The following METTL3 variants were observed in gnomAD, a reference collection of about 807,000 sequenced individuals.
METTL3 encodes the protein N(6)-adenosine-methyltransferase catalytic subunit METTL3.
A neutral mutation model predicts 64.3 loss-of-function variants in METTL3; 42 were observed. The observed-to-expected ratio is 0.65, with a 90% CI of 0.51 to 0.84. The LOEUF is 0.84. Among genes scored for constraint, METTL3 ranks in the 40% least tolerant of loss-of-function variants. METTL3 has a pLI of 0.00. For synonymous variants in METTL3, 256 were observed against 263.6 expected (o/e 0.97, Z 0.28); for missense variants, 435 against 722.3 (o/e 0.60, Z 4.56).
At chr14:21,498,936 GTGTAAAACAA>G (rs1891483059) in intron 10 of METTL3, 79 bp downstream of exon 10, 1 of 868,206 alleles carries the variant, frequency 1.2e-6, no homozygotes, top group Non-Finnish European at 1.9e-6. Context: ...TTATGGACTA[GTGTAAAACAA>G]TGTGAAGCTC....
At position 21,499,154 on chromosome 14, in the gene METTL3, A is replaced by G; in HGVS notation, c.1519-17T>C. 1 of 1,603,722 alleles carries G rather than the reference A, an allele frequency of 6.2e-7. No individual in the cohort carries two copies. Among genetic ancestry groups the G allele is most frequent in the South Asian group, 1.1e-5 (1 of 90,874 alleles). The stretch of plus-strand genomic sequence containing the variant: ...GGAACGAACCTAGGAAATAAAAACT[A>G]GCTGCTTTTTAAGTTACACAAGATT... On this transcript the variant is annotated splice_polypyrimidine_tract_variant and intron_variant, in intron 9 of 10. Transcript: ENST00000298717.
At chr14:21,498,567 G>A (rs1891469713) in intron 10 of METTL3, 198 bp from the exon 11 acceptor site, 2 of 600,772 alleles carry the variant, frequency 3.3e-6, no homozygotes, top group African/African-American at 3.7e-5. Flanking sequence ...AAAATAGACT[G>A]GATCTGTATT....
At chr14:21,498,658 TGCTA>T in intron 10 of METTL3, 1 of 499,120 alleles carries the variant, frequency 2.0e-6, no homozygotes, top group East Asian at 3.5e-5. Context: ...ATAAGCAAAA[TGCTA>T]GCAGCATGTG....
chr14:21,500,623 C>T lies in METTL3; in HGVS notation c.1176G>A (p.Val392=). The T allele has an allele frequency of 6.2e-7, 1 of 1,614,154 alleles. No individual in the cohort carries two copies. The highest frequency in any genetic ancestry group is 1.3e-5 in the African/African-American group (1 of 75,032). The change falls in exon 6 of 11, where the codon GTG becomes GTA. Residue 392 remains valine, a synonymous_variant. Coordinates refer to ENST00000298717, the MANE Select transcript of METTL3 (RefSeq NM_019852.5). ...DVSILGKFAV[V]MADPPWDIHM... ...GAATATCCCAGGGTGGGTCAGCCAT[C>T]ACAACTGCAAACTTGCCCAAGATAC...
intron 1 of METTL3, chr14:21,509,484 C>T (rs1188186865): frequency 2.0e-5 from 3 of 152,222 alleles, no homozygotes; most frequent in Non-Finnish European, 4.4e-5. Context: ...TGGCTCTCAC[C>T]TGTAATTCAA....
rs1210195522 is a variant in METTL3, at chr14:21,511,164, C to G, written c.60G>C (p.Glu20Asp). The change falls in exon 1 of 11, where the codon GAG (glutamate) becomes GAC (aspartate). Residue 20 changes from glutamate to aspartate, a missense_variant. Around this residue, in one of 9 missense-constraint regions of METTL3, gnomAD observed 228 missense variants for 279.6 expected, o/e 0.82. Transcript: ENST00000298717. ...AHKKQLDSLR[E>D]RLQRRRKQDS... is the part of the protein sequence containing the mutation. ...CCTGCTTCCGCCTCCGCTGCAGCCT[C>G]TCCCGCAGAGAGTCCAGCTGCTTCT... 1 of 1,614,176 alleles carries G rather than the reference C, an allele frequency of 6.2e-7. No homozygotes were observed. The highest frequency in any genetic ancestry group is 1.7e-5 in the Admixed American group (1 of 60,020).
Position 21,501,054 on chromosome 14 carries a change from G to C in METTL3, c.975C>G (p.Thr325=), listed in dbSNP as rs773182597. The C allele has an allele frequency of 6.2e-7, 1 of 1,614,054 alleles. No individual in the cohort carries two copies. The highest frequency in any genetic ancestry group is 1.7e-5 in the Admixed American group (1 of 60,016). The change falls in exon 5 of 11, where the codon ACC becomes ACG. Residue 325 remains threonine, a synonymous_variant. Transcript: ENST00000298717. The stretch of plus-strand genomic sequence containing the variant: ...CAATTTCATAGTGAACATACTTGCA[G>C]GTATCCATGTGGAAACATGTATTAA... The part of the protein sequence containing the change: ...SFLNTCFHMD[T]CKYVHYEIDA...
chr14:21,508,504 T>C (rs1389002347), intron 1 of METTL3, among the ~76,000 whole-genome samples: 1 of 152,224 alleles, frequency 6.6e-6, no homozygotes, highest in Admixed American at 6.5e-5. Flanking sequence ...TACCAAAATG[T>C]AGTTAATGTC....
At chr14:21,501,470 G>A in intron 4 of METTL3, 2 of 567,340 alleles carry the variant, frequency 3.5e-6, no homozygotes, top group East Asian at 3.0e-5. Flanking sequence ...AACTTTCACT[G>A]TGGCTCAGAG....
At chr14:21,502,926 C>G in intron 3 of METTL3, 1 of 460,674 alleles carries the variant, frequency 2.2e-6, no homozygotes, top group Non-Finnish European at 3.9e-6. Flanking sequence ...GTTTGTCCCA[C>G]TATGCACTGT....
rs758900060 is a variant in METTL3, at chr14:21,503,664, C to T, written c.318G>A (p.Thr106=). The change falls in exon 2 of 11, where the codon ACG becomes ACA. Residue 106 remains threonine (T), a splice_region_variant and synonymous_variant. Transcript: ENST00000298717. ...AATCCTAACTCTGTCAGGTCATTAC[C>T]GTGGAGATGGCAAGACAGATGGACA... The part of the protein sequence containing the change: ...DAVSICLAIS[T]PDAPATQDGV... 7 of 1,614,142 alleles carry T rather than the reference C, an allele frequency of 4.3e-6. No homozygotes were observed. Among genetic ancestry groups the T allele is most frequent in the Non-Finnish European group, 5.1e-6 (6 of 1,180,012 alleles).
intron 1 of METTL3, among the ~76,000 whole-genome samples, chr14:21,505,293 TTAAG>T (rs748020496): frequency 7.9e-5 from 12 of 152,324 alleles, no homozygotes; most frequent in South Asian, 2.1e-4. Flanking sequence ...CTTTGAGTAA[TTAAG>T]TGAGTGAGAA....
At position 21,500,941 on chromosome 14, in the gene METTL3, G is replaced by C; in HGVS notation, c.1088C>G (p.Ser363Cys). The change falls in exon 5 of 11, where the codon TCC (serine) becomes TGC (cysteine). Residue 363 changes from serine (S) to cysteine (C), a missense_variant. By Grantham distance (112) the Ser-to-Cys change is moderately radical (BLOSUM62 -1). Around this residue, in one of 9 missense-constraint regions of METTL3, gnomAD observed 67 missense variants for 71.5 expected, o/e 0.94. Transcript: ENST00000298717. Reference protein sequence around the residue: ...LALTQSVGGDSSADRLFPPQW... With the variant: ...LALTQSVGGDCSADRLFPPQW... ...AGGTGGGAAGAGTCGGTCTGCACTG[G>C]AATCACCTCCGACACTCTGTGTAAG... is the stretch of plus-strand genomic sequence containing the variant. The C allele has an allele frequency of 6.2e-7, 1 of 1,614,088 alleles. No homozygotes were observed. The highest frequency in any genetic ancestry group is 8.5e-7 in the Non-Finnish European group (1 of 1,179,984).
rs1187057715 is a variant in METTL3, at chr14:21,504,065, G to A, written c.101-184C>T. ...ACTAAAACATTCACTGCTTTGTCAA[G>A]ATAATACTGGATTTTCTATCTACCT... On this transcript the variant is annotated intron_variant, in intron 1 of 10. Coordinates refer to ENST00000298717, the MANE Select transcript of METTL3 (RefSeq NM_019852.5). The A allele has an allele frequency of 5.1e-6, 3 of 588,826 alleles. No individual in the cohort carries two copies. The Admixed American group carries it at 9.2e-5, about 18-fold the overall frequency. 36.5% of individuals were successfully genotyped at this position (588,826 alleles called of 1,614,324 possible).
chr14:21,501,482 CA>C, intron 4 of METTL3: 1 of 577,620 alleles, frequency 1.7e-6, no homozygotes, highest in South Asian at 2.1e-5. Context: ...GGCTCAGAGA[CA>C]GACATACTTT....
intron 1 of METTL3, among the ~76,000 whole-genome samples, chr14:21,507,453 A>G (rs1371638118): frequency 1.3e-5 from 2 of 152,036 alleles, no homozygotes; most frequent in African/African-American, 4.8e-5. Context: ...AGGTCAGGAG[A>G]TCGAGACCAT....
chr14:21,500,691 A>T lies in METTL3; in HGVS notation c.1117-9T>A. On this transcript the variant is annotated splice_polypyrimidine_tract_variant and intron_variant, in intron 5 of 10. Coordinates refer to ENST00000298717, the MANE Select transcript of METTL3 (RefSeq NM_019852.5). ...ATATCACAACAGATCCACTGCATAA[A>T]GTGGTATTTGGTCATCTTCCCTACT... is the stretch of plus-strand genomic sequence containing the variant. 1 of 1,606,330 alleles carries T rather than the reference A, an allele frequency of 6.2e-7. No individual in the cohort carries two copies. Among genetic ancestry groups the T allele is most frequent in the East Asian group, 2.2e-5 (1 of 44,714 alleles).
chr14:21,511,014 C>T, intron 1 of METTL3, 110 bp downstream of exon 1: 3 of 1,294,058 alleles, frequency 2.3e-6, no homozygotes, highest in South Asian at 1.5e-5. Flanking sequence ...ATGTACGAGG[C>T]TTTATAGAAA....
rs1445123497 is a variant in METTL3 at position 21,501,127 on chromosome 14, C to T, written c.902G>A (p.Arg301Gln). The change falls in exon 5 of 11, where the codon CGA (arginine) becomes CAA (glutamine). Residue 301 changes from arginine to glutamine, a missense_variant and splice_region_variant. By Grantham distance (43) the Arg-to-Gln change is conservative. Transcript: ENST00000298717. ...DRPCRKLHFR[R>Q]IINKHTDESL... ...CTCATCAGTGTGTTTATTGATAATT[C>T]GTCTGGGAAAATAAAAAGGGAGAAT... 3.1e-6 allele frequency: 5 copies of T among 1,609,128 alleles called. No individual in the cohort carries two copies. Among genetic ancestry groups the T allele is most frequent in the Non-Finnish European group, 2.5e-6 (3 of 1,176,888 alleles).
Sources: gnomAD v4.1 joint callset for allele counts (sites outside exome capture counted in the v4.1 genomes callset) on GRCh38, gnomAD v4.1.1 for gene constraint, gnomAD v4.1.1 regional missense constraint, MANE v1.5 for transcripts, NCBI Gene and HGNC (gene_info 2026-07-23, HGNC 2026-07-21) for gene names.